TBC1D30: variants seen among roughly 807,000 people sequenced by gnomAD.
The protein encoded by TBC1D30 is TBC1 domain family member 30, also known as TBC1 domain family, member 30.
TBC1D30 carries 31 observed loss-of-function variants against 63.2 expected under a neutral mutation model. The ratio of observed to expected loss-of-function variants is 0.49; its 90% CI spans 0.37 to 0.66. The LOEUF is 0.66. Ranked by LOEUF, TBC1D30 falls within the 30% of genes least tolerant of loss-of-function variation. The probability of loss-of-function intolerance (pLI) is 0.00; values close to 1 mark genes in which losing one functional copy is unlikely to be tolerated. For synonymous variants in TBC1D30, 307 were observed against 361.5 expected, an observed-to-expected ratio of 0.85 and a Z score of 1.71; for missense variants, 810 against 953.6, an observed-to-expected ratio of 0.85 and a Z score of 1.98.
In TBC1D30 at chr12:64,879,867, C is replaced by T. The variant is rs1879344701; in HGVS notation, c.*4079C>T. On this transcript the variant is annotated 3_prime_UTR_variant, in exon 12 of 12. Transcript: ENST00000539867. ...TGGTATCCTGAACTCAAAGAAATAG[C>T]CATTACTAGGTTTTGTCAAAGAATA... 1 of 151,806 alleles carries T rather than the reference C, an allele frequency of 6.6e-6. No homozygotes were observed. The highest frequency in any genetic ancestry group is 1.5e-5 in the Non-Finnish European group (1 of 68,026). 9.4% of individuals were successfully genotyped at this position (151,806 alleles called of 1,614,324 possible). A position where few individuals can be genotyped will look rare whatever the true frequency, so the allele number is the denominator to read the frequency against.
rs797010351 is a variant in TBC1D30 at position 64,838,704 on chromosome 12, C to T, written c.785C>T (p.Thr262Ile). ...TCAGGTGGATATGAGCCCCCACTTA[C>T]AAATGTCTTCACGATGCAGTGGTTT... ...ESGGGYEPPL[T>I]NVFTMQWFLT... is the part of the protein sequence containing the mutation. Residue 262 changes from threonine to isoleucine, a missense_variant, in exon 7 of 12, where the codon ACA becomes ATA. Physicochemically the swap from Thr to Ile is moderately conservative, Grantham distance 89. Around this residue, in one of 4 missense-constraint regions of TBC1D30, gnomAD observed 272 missense variants for 335.9 expected, o/e 0.81. Coordinates refer to ENST00000539867, the MANE Select transcript of TBC1D30 (RefSeq NM_015279.2). 2.6e-6 allele frequency: 4 copies of T among 1,536,554 alleles called. No individual in the cohort carries two copies. The African/African-American group carries it at 5.5e-5, about 21-fold the overall frequency.
intron 7 of TBC1D30, among the ~76,000 whole-genome samples, chr12:64,841,561 G>A (rs1360752439): frequency 6.6e-6 from 1 of 152,188 alleles, no homozygotes; most frequent in African/African-American, 2.4e-5. Context: ...GCTGGCAGGT[G>A]AGGCCTTTGC....
chr12:64,827,374 A>G (rs977066897), intron 1 of TBC1D30, among the ~76,000 whole-genome samples: 3 of 152,216 alleles, frequency 2.0e-5, no homozygotes, highest in Admixed American at 2.0e-4. Flanking sequence ...GCTTAAGCCC[A>G]GGAATCCAAG....
At chr12:64,819,065 G>GT (rs1873727318) in intron 2 of TBC1D30, among the ~76,000 whole-genome samples, 1 of 152,166 alleles carries the variant, frequency 6.6e-6, no homozygotes, top group Admixed American at 6.5e-5. Context: ...ATTTCTGTAT[G>GT]ACATTCTGAG....
chr12:64,824,710 G>C lies in TBC1D30; in HGVS notation c.-170G>C. 1 of 898,026 alleles carries C rather than the reference G, an allele frequency of 1.1e-6. No homozygotes were observed. Among genetic ancestry groups the C allele is most frequent in the Non-Finnish European group, 1.6e-6 (1 of 628,282 alleles). The allele number at this position is 898,026 out of a possible 1,614,324, so 55.6% of individuals were successfully genotyped here. ...CCCTGCGCTCGGCGGCTCCCGCGGT[G>C]CCCCGTAAGTCCCCGTGACCCTCCA... On this transcript the variant is annotated 5_prime_UTR_variant, in exon 1 of 12. Coordinates refer to ENST00000539867, the MANE Select transcript of TBC1D30 (RefSeq NM_015279.2).
At chr12:64,847,558 A>T (rs1267736084) in intron 8 of TBC1D30, among the ~76,000 whole-genome samples, 1 of 151,672 alleles carries the variant, frequency 6.6e-6, no homozygotes, top group Non-Finnish European at 1.5e-5. Context: ...CTGTGACCCC[A>T]TAGGTTTTAG....
At chr12:64,830,255 G>A in intron 3 of TBC1D30, 122 bp from the exon 4 acceptor site, 1 of 926,090 alleles carries the variant, frequency 1.1e-6, no homozygotes, top group South Asian at 2.4e-5. Context: ...CTACTTATGA[G>A]CGATAGATAG....
At chr12:64,831,055 T>C (rs1874814849) in intron 4 of TBC1D30, among the ~76,000 whole-genome samples, 1 of 152,224 alleles carries the variant, frequency 6.6e-6, no homozygotes. Flanking sequence ...TTCTGTTTGA[T>C]CCCAGTATTA....
At chr12:64,786,272 GTACTT>G (rs1871566057) in intron 2 of TBC1D30, among the ~76,000 whole-genome samples, 2 of 152,138 alleles carry the variant, frequency 1.3e-5, no homozygotes, top group African/African-American at 4.8e-5. Flanking sequence ...ATTTGAAGTA[GTACTT>G]TACTTTGACA....
chr12:64,803,114 CA>C (rs1357652069), intron 2 of TBC1D30, among the ~76,000 whole-genome samples: 1 of 152,188 alleles, frequency 6.6e-6, no homozygotes, highest in Non-Finnish European at 1.5e-5. Flanking sequence ...GTCCCACCAA[CA>C]GTGTAAAAGT....
chr12:64,839,544 C>T (rs1875657369), intron 7 of TBC1D30, among the ~76,000 whole-genome samples: 1 of 152,178 alleles, frequency 6.6e-6, no homozygotes, highest in Non-Finnish European at 1.5e-5. Flanking sequence ...TTTACCATTT[C>T]TCTTCTGGAG....
At chr12:64,859,831 C>T (rs1189457926) in intron 8 of TBC1D30, among the ~76,000 whole-genome samples, 1 of 152,082 alleles carries the variant, frequency 6.6e-6, no homozygotes, top group African/African-American at 2.4e-5. Context: ...CCATCCAGGC[C>T]TCTGTAGGCC....
intron 2 of TBC1D30, among the ~76,000 whole-genome samples, chr12:64,805,923 A>G (rs371290831): frequency 5.6e-4 from 85 of 152,164 alleles, no homozygotes; most frequent in African/African-American, 2.0e-3. Context: ...ATATCAGAAA[A>G]CATAACAGCT....
At position 64,876,508 on chromosome 12, in the gene TBC1D30, C is replaced by T. The variant is rs1451405199; in HGVS notation, c.*720C>T. The T allele has an allele frequency of 3.4e-6, 1 of 294,828 alleles. No homozygotes were observed. The highest frequency in any genetic ancestry group is 2.2e-5 in the African/African-American group (1 of 46,156). 18.3% of individuals were successfully genotyped at this position (294,828 alleles called of 1,614,324 possible). ...TGCTTTACGCAGTTGCTCCGGACAG[C>T]TTGCTCGCGCCACTGAGCTTTTCCT... is the stretch of plus-strand genomic sequence containing the variant. On this transcript the variant is annotated 3_prime_UTR_variant, in exon 12 of 12. Coordinates refer to ENST00000539867, the MANE Select transcript of TBC1D30 (RefSeq NM_015279.2).
At chr12:64,798,249 T>TA (rs1266540927) in intron 2 of TBC1D30, among the ~76,000 whole-genome samples, 1 of 152,180 alleles carries the variant, frequency 6.6e-6, no homozygotes, top group Non-Finnish European at 1.5e-5. Flanking sequence ...GAGAAGCAAA[T>TA]AAAAAATTAC....
chr12:64,874,921 G>A, intron 11 of TBC1D30, 80 bp from the exon 12 acceptor site: 1 of 1,335,796 alleles, frequency 7.5e-7, no homozygotes, highest in South Asian at 1.4e-5. Flanking sequence ...GGGCTGGGAG[G>A]ACCTCTAAGT....
At chr12:64,784,531 G>A (rs992511924) in intron 1 of TBC1D30, among the ~76,000 whole-genome samples, 6 of 150,116 alleles carry the variant, frequency 4.0e-5, no homozygotes, top group Non-Finnish European at 8.9e-5. Context: ...CCTCTAATGG[G>A]GGGCTAGCTA....
In TBC1D30 at chr12:64,876,820, C is replaced by G. The variant is rs968074483; in HGVS notation, c.*1032C>G. On this transcript the variant is annotated 3_prime_UTR_variant, in exon 12 of 12. Coordinates refer to ENST00000539867, the MANE Select transcript of TBC1D30 (RefSeq NM_015279.2). ...CAGTGCTTTCTAGCTCCCTCTCACT[C>G]CTGCCCTTTCTAGCTCTCTCTCACC... 4.4e-6 allele frequency: 2 copies of G among 456,122 alleles called. No individual in the cohort carries two copies. The highest frequency in any genetic ancestry group is 4.7e-5 in the Admixed American group (2 of 42,580). 28.3% of individuals were successfully genotyped at this position (456,122 alleles called of 1,614,324 possible). A position where few individuals can be genotyped will look rare whatever the true frequency, so the allele number is the denominator to read the frequency against.
intron 7 of TBC1D30, among the ~76,000 whole-genome samples, chr12:64,842,738 GT>G (rs1030252878): frequency 6.6e-6 from 1 of 152,108 alleles, no homozygotes; most frequent in African/African-American, 2.4e-5. Context: ...GGAGATAATT[GT>G]TTTTTAGTAC....
Sources: allele counts gnomAD v4.1 joint callset (sites outside exome capture counted in the v4.1 genomes callset), GRCh38; gene constraint gnomAD v4.1.1; regional missense constraint gnomAD v4.1.1; transcripts MANE v1.5; gene names NCBI Gene and HGNC (gene_info 2026-07-23, HGNC 2026-07-21).